INPP4B: variants seen among roughly 807,000 people sequenced by gnomAD.
INPP4B encodes the protein inositol polyphosphate-4-phosphatase type II B, also known as inositol polyphosphate 4-phosphatase type II.
Under a neutral mutation model 122.5 loss-of-function variants are expected in INPP4B, and 55 were observed. That is an observed-to-expected ratio of 0.45 (90% CI 0.36 to 0.56). The LOEUF (loss-of-function observed/expected upper bound fraction) is 0.56, where lower values mean the gene tolerates loss of function less well. INPP4B is among the 20% of genes least tolerant of loss of function. The pLI is 0.00. For missense variants in INPP4B, 1,000 were observed against 1,097.7 expected (o/e 0.91, Z 1.26); for synonymous variants, 403 against 388.7 (o/e 1.04, Z -0.43).
At chr4:142,166,979 C>T (rs7695458) in intron 16 of INPP4B, among the ~76,000 whole-genome samples, 29,374 of 151,490 alleles carry the variant, frequency 0.19, 6,235 homozygotes, top group African/African-American at 0.53. Context: ...AAGACAGTAG[C>T]GTGGCAATTA....
chr4:142,540,664 G>A lies in INPP4B; in HGVS notation c.-190-77938C>T, dbSNP rs575987355. Among the ~76,000 whole-genome samples the A allele has an allele frequency of 1.1e-4, 16 of 152,178 alleles. No individual in the cohort carries two copies. The South Asian group carries it at 2.1e-3, about 20-fold the overall frequency. ...TAAAAGTAATTAATATGGATTGAAC[G>A]TCTTTGTTGTGCTACGAATATTCTA... is the stretch of plus-strand genomic sequence containing the variant. On this transcript the variant is annotated intron_variant, in intron 2 of 25. Coordinates refer to ENST00000262992, the MANE Select transcript of INPP4B (RefSeq NM_001101669.3).
rs1736448191 is a variant in INPP4B at position 142,024,575 on chromosome 4, A to G, written c.*4207T>C. 6.6e-6 allele frequency: 1 copy of G among 152,172 alleles called. No homozygotes were observed. Among genetic ancestry groups the G allele is most frequent in the Non-Finnish European group, 1.5e-5 (1 of 68,020 alleles). The allele number at this position is 152,172 out of a possible 1,614,324, so 9.4% of individuals were successfully genotyped here. A position where few individuals can be genotyped will look rare whatever the true frequency, so the allele number is the denominator to read the frequency against. On this transcript the variant is annotated 3_prime_UTR_variant, in exon 26 of 26. Coordinates refer to ENST00000262992, the MANE Select transcript of INPP4B (RefSeq NM_001101669.3). ...TGGTGCCTCATATATTGAACCAAAC[A>G]AATGATATACCATCCTGCTTGGAAA...
chr4:142,205,944 C>T (rs919419353), intron 14 of INPP4B, among the ~76,000 whole-genome samples: 1 of 152,052 alleles, frequency 6.6e-6, no homozygotes, highest in Non-Finnish European at 1.5e-5. Flanking sequence ...TGTCTTACTC[C>T]ATTTTGTGCT....
Position 142,025,603 on chromosome 4 carries a change from CT to C in INPP4B, c.*3178del, listed in dbSNP as rs1199338755. ...GATTTGCTTGGGAAGAAAGGCATTA[CT>C]TTATACACATCAGTTTCTCTCCTTT... On this transcript the variant is annotated 3_prime_UTR_variant, in exon 26 of 26. Coordinates refer to ENST00000262992, the MANE Select transcript of INPP4B (RefSeq NM_001101669.3). 3 of 152,098 alleles carry C rather than the reference CT, an allele frequency of 2.0e-5. No individual in the cohort carries two copies. Among genetic ancestry groups the C allele is most frequent in the Non-Finnish European group, 2.9e-5 (2 of 68,018 alleles). The allele number at this position is 152,098 out of a possible 1,614,324, so 9.4% of individuals were successfully genotyped here.
At chr4:142,652,859 C>A (rs1051282394) in intron 2 of INPP4B, among the ~76,000 whole-genome samples, 2 of 152,198 alleles carry the variant, frequency 1.3e-5, no homozygotes, top group Non-Finnish European at 2.9e-5. Context: ...TTGGAAAAAA[C>A]TATTTTAAAG....
At chr4:142,628,339 C>A in intron 2 of INPP4B, among the ~76,000 whole-genome samples, 1 of 142,296 alleles carries the variant, frequency 7.0e-6, no homozygotes, top group East Asian at 2.1e-4. Flanking sequence ...CATATTCTCA[C>A]TCATAGGTGG....
intron 18 of INPP4B, among the ~76,000 whole-genome samples, chr4:142,131,812 G>A (rs1231300738): frequency 6.6e-6 from 1 of 152,142 alleles, no homozygotes; most frequent in Admixed American, 6.5e-5. Context: ...AAAATTAGAT[G>A]GGCATGGTGG....
intron 12 of INPP4B, among the ~76,000 whole-genome samples, chr4:142,222,226 C>T (rs1044683730): frequency 6.6e-6 from 1 of 152,220 alleles, no homozygotes; most frequent in Non-Finnish European, 1.5e-5. Context: ...TCCCAAAGTG[C>T]TGGGATTATA....
chr4:142,137,227 A>G (rs12504344), intron 18 of INPP4B, among the ~76,000 whole-genome samples: 17,496 of 150,544 alleles, frequency 0.12, 1,620 homozygotes, highest in African/African-American at 0.26. Context: ...CAGAAATAAC[A>G]CCGCATATCT....
chr4:142,713,215 A>G (rs532032152), intron 2 of INPP4B, among the ~76,000 whole-genome samples: 1 of 152,332 alleles, frequency 6.6e-6, no homozygotes, highest in South Asian at 2.1e-4. Flanking sequence ...CAAATAATCT[A>G]TAGAAGGAAG....
intron 2 of INPP4B, among the ~76,000 whole-genome samples, chr4:142,690,740 A>G (rs1760059327): frequency 6.6e-6 from 1 of 151,886 alleles, no homozygotes; most frequent in South Asian, 2.1e-4. Flanking sequence ...TTTTTAAATG[A>G]CTCCCAATAC....
intron 18 of INPP4B, among the ~76,000 whole-genome samples, chr4:142,143,821 A>G (rs528359035): frequency 6.6e-6 from 1 of 152,160 alleles, no homozygotes; most frequent in East Asian, 1.9e-4. Context: ...TATTTTGATG[A>G]ATTCGTTTAC....
chr4:142,761,358 C>T (rs1341377537), intron 1 of INPP4B, among the ~76,000 whole-genome samples: 5 of 151,830 alleles, frequency 3.3e-5, no homozygotes, highest in Admixed American at 3.3e-4. Context: ...TATTGATCTC[C>T]CCATTTGAGA....
At chr4:142,089,835 T>C (rs1778655962) in intron 23 of INPP4B, among the ~76,000 whole-genome samples, 1 of 152,116 alleles carries the variant, frequency 6.6e-6, no homozygotes, top group Non-Finnish European at 1.5e-5. Flanking sequence ...ACATAAAACA[T>C]TTGCAAAGCC....
chr4:142,261,970 G>C (rs969162842), intron 10 of INPP4B, among the ~76,000 whole-genome samples: 1 of 152,058 alleles, frequency 6.6e-6, no homozygotes, highest in East Asian at 1.9e-4. Flanking sequence ...TCTCTAAATC[G>C]CATTTCTGAC....
chr4:142,128,465 C>T (rs1013530919), intron 18 of INPP4B, among the ~76,000 whole-genome samples: 5 of 152,038 alleles, frequency 3.3e-5, no homozygotes, highest in African/African-American at 9.7e-5. Flanking sequence ...ACTATCTCTG[C>T]CCTGAGCCAA....
At chr4:142,452,435 G>C (rs1283173453) in intron 3 of INPP4B, among the ~76,000 whole-genome samples, 3 of 152,216 alleles carry the variant, frequency 2.0e-5, no homozygotes, top group Non-Finnish European at 2.9e-5. Context: ...GAATTACAAA[G>C]TGAAGATGGG....
intron 2 of INPP4B, among the ~76,000 whole-genome samples, chr4:142,562,322 A>G (rs770130653): frequency 2.0e-5 from 3 of 152,238 alleles, no homozygotes; most frequent in Admixed American, 6.5e-5. Context: ...CAGTACCTTC[A>G]ATAAAAAGAT....
At chr4:142,317,307 A>G in intron 7 of INPP4B, 1 of 382,566 alleles carries the variant, frequency 2.6e-6, no homozygotes. Context: ...TATCAGGCTC[A>G]GCCTAGATGA....
Sources: gnomAD v4.1 joint callset for allele counts (sites outside exome capture counted in the v4.1 genomes callset) on GRCh38, gnomAD v4.1.1 for gene constraint, MANE v1.5 for transcripts, NCBI Gene and HGNC (gene_info 2026-07-23, HGNC 2026-07-21) for gene names.